The following MAST3 variants were observed in gnomAD, a reference collection of about 807,000 sequenced individuals.
MAST3 encodes the protein microtubule associated serine/threonine kinase 3.
MAST3 carries 43 observed loss-of-function variants against 127.0 expected under a neutral mutation model. The observed-to-expected ratio is 0.34, with a 90% CI of 0.27 to 0.44. The LOEUF is 0.44. MAST3 is among the 20% of genes least tolerant of loss of function. The probability of loss-of-function intolerance (pLI) is 1.00; values close to 1 mark genes in which losing one functional copy is unlikely to be tolerated. For missense variants in MAST3, 1,390 were observed against 1,919.1 expected (o/e 0.72, Z 5.15); for synonymous variants, 785 against 809.2 (o/e 0.97, Z 0.51).
intron 20 of MAST3, among the ~76,000 whole-genome samples, chr19:18,139,824 C>T (rs12980350): frequency 0.94 from 136,104 of 144,216 alleles, 64,208 homozygotes; most frequent in East Asian, 0.96. Flanking sequence ...TTTTTTTTTT[C>T]TTTTTTTTTT....
At chr19:18,132,906 C>T (rs1490917922) in intron 15 of MAST3, among the ~76,000 whole-genome samples, 3 of 152,296 alleles carry the variant, frequency 2.0e-5, no homozygotes, top group East Asian at 3.9e-4. Context: ...AGTTCAAGCC[C>T]AGCCTGGCCA....
At position 18,130,512 on chromosome 19, in the gene MAST3, G is replaced by A; in HGVS notation, c.1242G>A (p.Arg414=). ...NGAYGAVYLV[R]HRDTRQRFAI... is the part of the protein sequence containing the mutation. ...TCCCCAGGGCCGTCTACCTGGTGCGGCACCGTGACACACGGCAGCGCTTTG... is the reference window on the plus strand; with the variant it reads ...TCCCCAGGGCCGTCTACCTGGTGCGACACCGTGACACACGGCAGCGCTTTG... The change falls in exon 14 of 28, where the codon CGG becomes CGA. Residue 414 remains arginine, a synonymous_variant. Transcript: ENST00000687212. 6.2e-7 allele frequency: 1 copy of A among 1,604,700 alleles called. No individual in the cohort carries two copies. Among genetic ancestry groups the A allele is most frequent in the Non-Finnish European group, 8.5e-7 (1 of 1,175,382 alleles).
rs373882565 is a variant in MAST3 at position 18,131,965 on chromosome 19, C to A, written c.1489C>A (p.Arg497Ser). The A allele has an allele frequency of 6.2e-7, 1 of 1,613,790 alleles. No homozygotes were observed. Among genetic ancestry groups the A allele is most frequent in the Non-Finnish European group, 8.5e-7 (1 of 1,179,892 alleles). Residue 497 changes from arginine (R) to serine (S), a missense_variant, in exon 15 of 28, where the codon CGC becomes AGC. Physicochemically the swap from Arg to Ser is moderately radical, Grantham distance 110. This residue lies in a region of MAST3 where 191 missense variants were observed against 409.0 expected (regional missense o/e 0.47). Coordinates refer to ENST00000687212, the MANE Select transcript of MAST3 (RefSeq NM_001393504.1). ...NMGPLPVDMA[R>S]LYFAETVLAL... ...GGGCCCGCTGCCCGTGGACATGGCCCGCCTGTACTTCGCCGAGACGGTGTT... is the reference window on the plus strand; with the variant it reads ...GGGCCCGCTGCCCGTGGACATGGCCAGCCTGTACTTCGCCGAGACGGTGTT...
In MAST3 at chr19:18,147,458, CAAG is replaced by C. The variant is rs1297235274; in HGVS notation, c.3347_3349del (p.Lys1116del). 7.4e-6 allele frequency: 12 copies of C among 1,613,406 alleles called. No homozygotes were observed. Among genetic ancestry groups the C allele is most frequent in the Non-Finnish European group, 9.3e-6 (11 of 1,179,688 alleles). On this transcript the variant is annotated inframe_deletion, in exon 27 of 28. Transcript: ENST00000687212. The stretch of plus-strand genomic sequence containing the variant: ...CTTACCCCAGGCGGAAGTCACTTTT[CAAG>C]AAGATCTCCAAGCAGACCTCCGTGC...
chr19:18,105,230 G>A (rs941754966), intron 1 of MAST3, among the ~76,000 whole-genome samples: 5 of 151,950 alleles, frequency 3.3e-5, no homozygotes, highest in Non-Finnish European at 7.4e-5. Flanking sequence ...AGCCAGGCAT[G>A]CTGGCACACA....
At chr19:18,132,182 C>CT in intron 15 of MAST3, 135 bp downstream of exon 15, 1 of 1,194,506 alleles carries the variant, frequency 8.4e-7, no homozygotes, top group Non-Finnish European at 1.2e-6. Context: ...TGTCTGAGCT[C>CT]TGTTGGTACC....
chr19:18,100,128 C>CTCTTT (rs776661078), intron 1 of MAST3, among the ~76,000 whole-genome samples: 29 of 121,406 alleles, frequency 2.4e-4, no homozygotes, highest in Non-Finnish European at 3.4e-4. Flanking sequence ...CTCTCTCTCT[C>CTCTTT]TTTTTTTTTT....
At chr19:18,146,057 T>C (rs902843232) in intron 25 of MAST3, among the ~76,000 whole-genome samples, 192 bp downstream of exon 25, 1 of 152,114 alleles carries the variant, frequency 6.6e-6, no homozygotes, top group Non-Finnish European at 1.5e-5. Context: ...TTAGAGCTGC[T>C]CCTCCAGGAA....
At chr19:18,121,432 C>T (rs778911356) in intron 3 of MAST3, among the ~76,000 whole-genome samples, 1 of 152,240 alleles carries the variant, frequency 6.6e-6, no homozygotes, top group Non-Finnish European at 1.5e-5. Flanking sequence ...ACTGGGGTTA[C>T]TGGCGTGAGC....
At position 18,121,782 on chromosome 19, in the gene MAST3, G is replaced by A. The variant is rs1445536333; in HGVS notation, c.250+9G>A. ...ATTGTCGGTCCCAACGGGTGAGTGT[G>A]GGAGCAGCCAGCGGGTGCTGTGTCC... On this transcript the variant is annotated intron_variant, in intron 4 of 27. Coordinates refer to ENST00000687212, the MANE Select transcript of MAST3 (RefSeq NM_001393504.1). The A allele has an allele frequency of 1.2e-6, 2 of 1,613,872 alleles. No individual in the cohort carries two copies. The highest frequency in any genetic ancestry group is 4.5e-5 in the East Asian group (2 of 44,898).
chr19:18,134,645 G>A lies in MAST3; in HGVS notation c.1638G>A (p.Met546Ile). The change falls in exon 16 of 28, where the codon ATG (methionine) becomes ATA (isoleucine). Residue 546 changes from methionine (M) to isoleucine (I), a missense_variant. By Grantham distance (10) the Met-to-Ile change is conservative. This residue lies in a region of MAST3 where 191 missense variants were observed against 409.0 expected (regional missense o/e 0.47). Coordinates refer to ENST00000687212, the MANE Select transcript of MAST3 (RefSeq NM_001393504.1). ...TCGGCCTGTCCAAGATCGGCCTCATGAGCATGGCCACCAACCTCTATGAGG... is the reference window on the plus strand; with the variant it reads ...TCGGCCTGTCCAAGATCGGCCTCATAAGCATGGCCACCAACCTCTATGAGG... ...TDFGLSKIGL[M>I]SMATNLYEGH... 2 of 1,613,522 alleles carry A rather than the reference G, an allele frequency of 1.2e-6. No homozygotes were observed. The highest frequency in any genetic ancestry group is 1.1e-5 in the South Asian group (1 of 90,936).
At chr19:18,130,392 C>T (rs2041148319) in intron 13 of MAST3, 102 bp from the exon 14 acceptor site, 4 of 1,059,958 alleles carry the variant, frequency 3.8e-6, no homozygotes, top group Non-Finnish European at 5.5e-6. Flanking sequence ...GGGCACAGCA[C>T]AGGCAAAGGC....
At chr19:18,121,121 G>T (rs750703911) in intron 3 of MAST3, among the ~76,000 whole-genome samples, 5 of 152,012 alleles carry the variant, frequency 3.3e-5, no homozygotes, top group Non-Finnish European at 7.4e-5. Flanking sequence ...CTCCCAAAGT[G>T]CTGGGATTAC....
At chr19:18,101,830 A>G (rs1423411848) in intron 1 of MAST3, among the ~76,000 whole-genome samples, 1 of 133,602 alleles carries the variant, frequency 7.5e-6, no homozygotes, top group Non-Finnish European at 1.6e-5. Flanking sequence ...TAATTTTTAT[A>G]TTTTTTAGTA....
chr19:18,103,170 C>T (rs1464923800), intron 1 of MAST3, among the ~76,000 whole-genome samples: 1 of 152,042 alleles, frequency 6.6e-6, no homozygotes, highest in African/African-American at 2.4e-5. Context: ...CAGGAGAGTT[C>T]TGTGTGGTCC....
chr19:18,107,185 A>T (rs1052812777), intron 1 of MAST3, among the ~76,000 whole-genome samples: 1 of 151,680 alleles, frequency 6.6e-6, no homozygotes, highest in Non-Finnish European at 1.5e-5. Flanking sequence ...TCTGGCTTAA[A>T]CTTCTGGGCT....
chr19:18,123,041 C>T (rs1038666338), intron 6 of MAST3, among the ~76,000 whole-genome samples, 176 bp from the exon 7 acceptor site: 1 of 152,084 alleles, frequency 6.6e-6, no homozygotes, highest in African/African-American at 2.4e-5. Flanking sequence ...AGAGGACTTC[C>T]TGGAGGAGAG....
chr19:18,110,445 C>A lies in MAST3; in HGVS notation c.72-207C>A. 1.0e-6 allele frequency: 1 copy of A among 981,390 alleles called. No homozygotes were observed. The highest frequency in any genetic ancestry group is 1.2e-6 in the Non-Finnish European group (1 of 825,946). 60.8% of individuals were successfully genotyped at this position (981,390 alleles called of 1,614,324 possible). On this transcript the variant is annotated intron_variant, in intron 2 of 27. Coordinates refer to ENST00000687212, the MANE Select transcript of MAST3 (RefSeq NM_001393504.1). This position sits in a 1 kb window ranked among gnomAD's most constrained non-coding sequence, Gnocchi z 4.3. ...ACTACCCTCCCCCCACGTCTCTGTT[C>A]GTGTCGCCCAGAAACGCACCGCCGC...
chr19:18,123,073 A>T, intron 6 of MAST3, 144 bp from the exon 7 acceptor site: 1 of 876,880 alleles, frequency 1.1e-6, no homozygotes, highest in South Asian at 1.5e-5. Flanking sequence ...TAGGGTTTTG[A>T]GGGATGCATA....
Sources: allele counts gnomAD v4.1 joint callset (sites outside exome capture counted in the v4.1 genomes callset), GRCh38; gene constraint gnomAD v4.1.1; regional missense constraint gnomAD v4.1.1; non-coding constraint Gnocchi (gnomAD v3.1); transcripts MANE v1.5; gene names NCBI Gene and HGNC (gene_info 2026-07-23, HGNC 2026-07-21).